The following PDSS2 variants were observed in gnomAD, a reference collection of about 807,000 sequenced individuals.
PDSS2 encodes the protein all trans-polyprenyl-diphosphate synthase PDSS2.
In PDSS2, 31 loss-of-function variants were observed where a neutral mutation model predicts 44.5. The observed-to-expected ratio is 0.70, with a 90% CI of 0.52 to 0.94. PDSS2 has a LOEUF of 0.94. PDSS2 is among the 40% of genes least tolerant of loss of function. The pLI is 0.00. For synonymous variants in PDSS2, 157 were observed against 180.3 expected (o/e 0.87, Z 1.03); for missense variants, 452 against 482.2 (o/e 0.94, Z 0.59).
intron 1 of PDSS2, among the ~76,000 whole-genome samples, chr6:107,447,530 T>C (rs891827096): frequency 2.8e-4 from 43 of 152,158 alleles, no homozygotes; most frequent in African/African-American, 1.0e-3. Context: ...ATGATCTCCT[T>C]TGATTCCATG....
At chr6:107,173,563 ACT>A (rs1300742920) in intron 7 of PDSS2, among the ~76,000 whole-genome samples, 2 of 104,464 alleles carry the variant, frequency 1.9e-5, no homozygotes, top group Admixed American at 3.0e-4. Flanking sequence ...ATGGAATGAG[ACT>A]CTGTCTCAAA....
At chr6:107,258,972 T>C (rs1775121375) in intron 3 of PDSS2, among the ~76,000 whole-genome samples, 2 of 152,222 alleles carry the variant, frequency 1.3e-5, no homozygotes, top group Non-Finnish European at 1.5e-5. Flanking sequence ...TTTTCTACTT[T>C]AGTAAAGCAT....
At position 107,382,256 on chromosome 6, in the gene PDSS2, T is replaced by A. The variant is rs186291138; in HGVS notation, c.297-47924A>T. The stretch of plus-strand genomic sequence containing the variant: ...TGGCTGAAAAGCTAATACTTTTTTC[T>A]TTCCTTTTTTTTGGCCGTGAACCAC... On this transcript the variant is annotated intron_variant, in intron 1 of 7. Coordinates refer to ENST00000369037, the MANE Select transcript of PDSS2 (RefSeq NM_020381.4). Among the ~76,000 whole-genome samples the A allele has an allele frequency of 2.6e-5, 4 of 152,302 alleles. No homozygotes were observed. The East Asian group carries it at 7.7e-4, about 29-fold the overall frequency.
intron 2 of PDSS2, among the ~76,000 whole-genome samples, chr6:107,331,319 T>G: frequency 6.6e-6 from 1 of 152,138 alleles, no homozygotes; most frequent in East Asian, 1.9e-4. Flanking sequence ...AATGACCTAC[T>G]AGATGAAGTT....
chr6:107,376,455 T>C (rs1475061167), intron 1 of PDSS2, among the ~76,000 whole-genome samples: 1 of 152,206 alleles, frequency 6.6e-6, no homozygotes, highest in African/African-American at 2.4e-5. Context: ...TGGTTTGTAG[T>C]TCTCCTTGAA....
chr6:107,437,365 A>G (rs1781382420), intron 1 of PDSS2, among the ~76,000 whole-genome samples: 1 of 151,996 alleles, frequency 6.6e-6, no homozygotes, highest in South Asian at 2.1e-4. Context: ...TCTTTACTAA[A>G]AATACAAAAA....
intron 7 of PDSS2, among the ~76,000 whole-genome samples, chr6:107,189,845 C>A (rs1211892936): frequency 6.6e-6 from 1 of 151,758 alleles, no homozygotes; most frequent in Non-Finnish European, 1.5e-5. Context: ...TTCTTTGAGT[C>A]ATAAAAAAAG....
intron 7 of PDSS2, among the ~76,000 whole-genome samples, chr6:107,193,613 T>C (rs1772454540): frequency 6.6e-6 from 1 of 152,224 alleles, no homozygotes; most frequent in African/African-American, 2.4e-5. Context: ...CAATACCTAA[T>C]ACAATGTCTG....
At chr6:107,335,386 GGTGGTAAACA>G (rs1376195077) in intron 1 of PDSS2, among the ~76,000 whole-genome samples, 6 of 152,116 alleles carry the variant, frequency 3.9e-5, no homozygotes, top group Non-Finnish European at 7.4e-5. Flanking sequence ...TGGTGATGAC[GGTGGTAAACA>G]GTAGTAAAAA....
chr6:107,318,802 C>G (rs1190851076), intron 2 of PDSS2, among the ~76,000 whole-genome samples: 1 of 152,072 alleles, frequency 6.6e-6, no homozygotes, highest in Non-Finnish European at 1.5e-5. Flanking sequence ...GCCTAGGCAA[C>G]ATGGTGAAAC....
chr6:107,367,102 A>G (rs1778980841), intron 1 of PDSS2, among the ~76,000 whole-genome samples: 1 of 152,196 alleles, frequency 6.6e-6, no homozygotes, highest in Non-Finnish European at 1.5e-5. Context: ...GGCAAACTGA[A>G]TCTAGCAATA....
intron 1 of PDSS2, among the ~76,000 whole-genome samples, chr6:107,437,137 T>C (rs1781373149): frequency 6.6e-6 from 1 of 152,150 alleles, no homozygotes; most frequent in South Asian, 2.1e-4. Flanking sequence ...GCAGTTGAGA[T>C]TACAGGTGTG....
chr6:107,181,226 T>C (rs1056112718), intron 7 of PDSS2, among the ~76,000 whole-genome samples: 1 of 152,218 alleles, frequency 6.6e-6, no homozygotes, highest in African/African-American at 2.4e-5. Flanking sequence ...TAACTGCCTA[T>C]ATTAAATTAG....
chr6:107,448,825 G>C (rs531803846), intron 1 of PDSS2, among the ~76,000 whole-genome samples: 18 of 152,260 alleles, frequency 1.2e-4, no homozygotes, highest in African/African-American at 3.8e-4. Context: ...TTCACATCTT[G>C]GCAGAAGGTG....
rs1249186423 is a variant in PDSS2 at position 107,426,174 on chromosome 6, C to T, written c.296+32816G>A. Among the ~76,000 whole-genome samples, 4 of 152,160 alleles carry T rather than the reference C, an allele frequency of 2.6e-5. No individual in the cohort carries two copies. The South Asian group carries it at 6.2e-4, about 24-fold the overall frequency. On this transcript the variant is annotated intron_variant, in intron 1 of 7. Coordinates refer to ENST00000369037, the MANE Select transcript of PDSS2 (RefSeq NM_020381.4). ...ATGGACCAGGCCCAGGGTCCCTCCGCTGTGTAGTCTAGGGACTTGGTCCCC... is the reference window on the plus strand; with the variant it reads ...ATGGACCAGGCCCAGGGTCCCTCCGTTGTGTAGTCTAGGGACTTGGTCCCC...
chr6:107,360,876 G>A (rs940822161), intron 1 of PDSS2, among the ~76,000 whole-genome samples: 1 of 152,182 alleles, frequency 6.6e-6, no homozygotes, highest in Non-Finnish European at 1.5e-5. Flanking sequence ...ATACTGGGCA[G>A]TATTTCCTTT....
chr6:107,237,228 T>C (rs1582828797), intron 4 of PDSS2, among the ~76,000 whole-genome samples: 2 of 152,032 alleles, frequency 1.3e-5, no homozygotes, highest in South Asian at 4.1e-4. Flanking sequence ...CCATCACTCC[T>C]GGCCTCTTTT....
chr6:107,221,068 C>T (rs563301747), intron 4 of PDSS2, among the ~76,000 whole-genome samples: 2 of 152,256 alleles, frequency 1.3e-5, no homozygotes, highest in East Asian at 3.9e-4. Context: ...TCAGGACGGG[C>T]GCGGTGGCTC....
intron 2 of PDSS2, among the ~76,000 whole-genome samples, chr6:107,307,086 A>G (rs1243570872): frequency 6.6e-6 from 1 of 152,242 alleles, no homozygotes; most frequent in African/African-American, 2.4e-5. Context: ...AAAGGCAGAT[A>G]ATATGGCTTA....
Sources: gnomAD v4.1 joint callset for allele counts (sites outside exome capture counted in the v4.1 genomes callset) on GRCh38, gnomAD v4.1.1 for gene constraint, MANE v1.5 for transcripts, NCBI Gene and HGNC (gene_info 2026-07-23, HGNC 2026-07-21) for gene names.